NPHP1: variants seen among roughly 807,000 people sequenced by gnomAD.
The protein encoded by NPHP1 is nephrocystin 1, also known as nephrocystin-1.
In NPHP1, 70 loss-of-function variants were observed where a neutral mutation model predicts 90.4. The ratio of observed to expected loss-of-function variants is 0.77; its 90% CI spans 0.64 to 0.95. The LOEUF (loss-of-function observed/expected upper bound fraction) is 0.95. NPHP1 is among the 40% of genes least tolerant of loss of function. The probability of loss-of-function intolerance (pLI) is 0.00; values close to 1 mark genes in which losing one functional copy is unlikely to be tolerated. For missense variants in NPHP1, 764 were observed against 795.9 expected (o/e 0.96, Z 0.48); for synonymous variants, 256 against 271.7 (o/e 0.94, Z 0.57).
rs181281351 is a variant in NPHP1, at chr2:110,133,866, T to C, written c.1530-2075A>G. Reference sequence around the variant, plus strand: ...ACACAACATACCAAAATTTACAAGATACAGTGAAAACAGTCCTAAGAGGGA... The same window carrying C: ...ACACAACATACCAAAATTTACAAGACACAGTGAAAACAGTCCTAAGAGGGA... On this transcript the variant is annotated intron_variant, in intron 16 of 19. Coordinates refer to ENST00000445609, the MANE Select transcript of NPHP1 (RefSeq NM_001128178.3). 6.1e-4 allele frequency among the ~76,000 whole-genome samples: 92 copies of C among 152,026 alleles called. 2 individuals carry two copies. Among genetic ancestry groups the C allele is most frequent in the Admixed American group, 5.6e-3 (86 of 15,266 alleles).
chr2:110,148,133 C>T (rs2104497756), intron 12 of NPHP1, 107 bp from the exon 13 acceptor site: 1 of 795,144 alleles, frequency 1.3e-6, no homozygotes, highest in Non-Finnish European at 2.2e-6. Context: ...GAATTGTAAT[C>T]CCAATGTTGA....
At position 110,123,589 on chromosome 2, in the gene NPHP1, T is replaced by C. The variant is rs1008681286; in HGVS notation, c.*202A>G. 1.4e-4 allele frequency: 78 copies of C among 552,440 alleles called. No homozygotes were observed. Among genetic ancestry groups the C allele is most frequent in the Non-Finnish European group, 2.3e-4 (73 of 318,964 alleles). 34.2% of individuals were successfully genotyped at this position (552,440 alleles called of 1,614,324 possible). On this transcript the variant is annotated 3_prime_UTR_variant, in exon 20 of 20. Transcript: ENST00000445609. ...TGTTTAAATTTAGATATAACAGTAT[T>C]CCTTATAAAAATTTATTTTATGGTT... is the stretch of plus-strand genomic sequence containing the variant.
rs749837157 is a variant in NPHP1 at position 110,131,644 on chromosome 2, T to A, written c.1642+35A>T. The A allele has an allele frequency of 4.2e-6, 5 of 1,197,612 alleles. 1 individual carries two copies. The highest frequency in any genetic ancestry group is 6.2e-6 in the Non-Finnish European group (5 of 800,388). The allele number at this position is 1,197,612 out of a possible 1,614,324, so 74.2% of individuals were successfully genotyped here. ...TTACCTTTACTCAGAGTATGAAGCA[T>A]TACTGCACATAAGGAAGTGGCAAAG... On this transcript the variant is annotated intron_variant, in intron 17 of 19. Transcript: ENST00000445609.
intron 2 of NPHP1, among the ~76,000 whole-genome samples, chr2:110,191,704 GCCT>G (rs1447705473): frequency 1.3e-5 from 2 of 152,172 alleles, no homozygotes; most frequent in African/African-American, 4.8e-5. Flanking sequence ...CGGACAGACT[GCCT>G]CCTCAAGTGG....
chr2:110,203,339 TG>T (rs1349584551), intron 1 of NPHP1, among the ~76,000 whole-genome samples: 1 of 152,138 alleles, frequency 6.6e-6, no homozygotes, highest in African/African-American at 2.4e-5. Flanking sequence ...TAGGCTCATC[TG>T]TACCCCAAAC....
intron 11 of NPHP1, among the ~76,000 whole-genome samples, chr2:110,154,536 T>C (rs1341848405): frequency 1.3e-5 from 2 of 152,166 alleles, no homozygotes; most frequent in Non-Finnish European, 2.9e-5. Context: ...ACTTGCTGAA[T>C]GGCTTTTTGA....
At chr2:110,187,407 G>A (rs181900706) in intron 2 of NPHP1, among the ~76,000 whole-genome samples, 136 of 152,194 alleles carry the variant, frequency 8.9e-4, no homozygotes, top group Non-Finnish European at 1.3e-3. Flanking sequence ...ACATGAACTA[G>A]AAAATCTAGA....
rs151166300 is a variant in NPHP1 at position 110,161,203 on chromosome 2, A to G, written c.954+400T>C. On this transcript the variant is annotated intron_variant, in intron 10 of 19. Transcript: ENST00000445609. ...ACTACTGCTACTACTACTATAAATG[A>G]TAATAATGGCTAACATCTATTGAGT... is the stretch of plus-strand genomic sequence containing the variant. Among the ~76,000 whole-genome samples the G allele has an allele frequency of 3.7e-3, 569 of 152,218 alleles. 4 individuals carry two copies. Among genetic ancestry groups the G allele is most frequent in the Middle Eastern group, 0.024 (7 of 294 alleles).
intron 2 of NPHP1, among the ~76,000 whole-genome samples, chr2:110,197,678 G>C (rs974150255): frequency 6.6e-6 from 1 of 152,086 alleles, no homozygotes; most frequent in African/African-American, 2.4e-5. Flanking sequence ...TGGCAGAGTG[G>C]AATGACATCA....
chr2:110,191,191 G>A (rs546500723), intron 2 of NPHP1, among the ~76,000 whole-genome samples: 8 of 152,266 alleles, frequency 5.3e-5, no homozygotes, highest in South Asian at 2.1e-4. Flanking sequence ...GCAGCACACC[G>A]AGCATGAGCT....
At chr2:110,143,699 T>A (rs1192437524) in intron 15 of NPHP1, 58 bp from the exon 16 acceptor site, 4 of 1,166,720 alleles carry the variant, frequency 3.4e-6, no homozygotes, top group African/African-American at 1.5e-5. Context: ...ACAGTGAGTA[T>A]AATAAAACAA....
chr2:110,150,460 G>A (rs1681382679), intron 11 of NPHP1, among the ~76,000 whole-genome samples: 1 of 152,162 alleles, frequency 6.6e-6, no homozygotes. Context: ...GGACTCCTAT[G>A]CTAGTAATAA....
rs1574090090 is a variant in NPHP1 at position 110,146,737 on chromosome 2, T to C, written c.1352+16A>G. The C allele has an allele frequency of 1.9e-6, 3 of 1,578,498 alleles. No homozygotes were observed. The highest frequency in any genetic ancestry group is 2.6e-6 in the Non-Finnish European group (3 of 1,147,474). Reference sequence around the variant, plus strand: ...TACAGAAGTATTCATTCGTTAGGAATATATAGCCAACTTACTTTGCTGGAA... The same window carrying C: ...TACAGAAGTATTCATTCGTTAGGAACATATAGCCAACTTACTTTGCTGGAA... On this transcript the variant is annotated intron_variant, in intron 14 of 19. Transcript: ENST00000445609.
At chr2:110,143,521 C>T (rs1279478954) in intron 16 of NPHP1, 21 bp downstream of exon 16, 4 of 1,519,628 alleles carry the variant, frequency 2.6e-6, no homozygotes, top group African/African-American at 1.4e-5. Flanking sequence ...ATTCACTGGA[C>T]AGGTAAAAGC....
At chr2:110,191,565 G>A (rs1052172805) in intron 2 of NPHP1, among the ~76,000 whole-genome samples, 1 of 152,206 alleles carries the variant, frequency 6.6e-6, no homozygotes, top group African/African-American at 2.4e-5. Flanking sequence ...TGCCTCTTTA[G>A]AGTCCACCTC....
At chr2:110,184,303 G>A in intron 2 of NPHP1, 4 of 596,376 alleles carry the variant, frequency 6.7e-6, no homozygotes, top group South Asian at 1.6e-5. Context: ...GTCAAGGACT[G>A]GAACGACATG....
At chr2:110,190,176 A>G (rs1684605993) in intron 2 of NPHP1, among the ~76,000 whole-genome samples, 1 of 152,218 alleles carries the variant, frequency 6.6e-6, no homozygotes, top group African/African-American at 2.4e-5. Flanking sequence ...TTCACCCAGC[A>G]GATCCCGCAC....
intron 19 of NPHP1, 25 bp from the exon 20 acceptor site, chr2:110,124,088 T>C (rs1286645683): frequency 1.9e-6 from 3 of 1,613,050 alleles, no homozygotes; most frequent in African/African-American, 2.7e-5. Flanking sequence ...CCCCCACAAA[T>C]AACATTGTTA....
chr2:110,169,734 A>G (rs1243100316), intron 5 of NPHP1, 72 bp downstream of exon 5: 3 of 988,672 alleles, frequency 3.0e-6, no homozygotes, highest in Non-Finnish European at 4.9e-6. Context: ...ACAGGTGTAC[A>G]GGCAGAGTTT....
Sources: gnomAD v4.1 joint callset for allele counts (sites outside exome capture counted in the v4.1 genomes callset) on GRCh38, gnomAD v4.1.1 for gene constraint, MANE v1.5 for transcripts, NCBI Gene and HGNC (gene_info 2026-07-23, HGNC 2026-07-21) for gene names.